Variants in GRXCR1 observed in about 807,000 individuals in gnomAD.
GRXCR1 encodes glutaredoxin and cysteine rich domain containing 1.
GRXCR1 carries 27 observed loss-of-function variants against 27.3 expected under a neutral mutation model. The observed-to-expected ratio is 0.99, with a 90% CI of 0.73 to 1.37. The LOEUF (loss-of-function observed/expected upper bound fraction) is 1.37. GRXCR1 is among the 40% of genes most tolerant of loss of function. The pLI, the probability that GRXCR1 is intolerant of heterozygous loss-of-function variation, is 0.00. For synonymous variants in GRXCR1, 122 were observed against 131.1 expected (o/e 0.93, Z 0.47); for missense variants, 379 against 354.4 (o/e 1.07, Z -0.56).
At chr4:42,958,648 T>C (rs959567277) in intron 1 of GRXCR1, among the ~76,000 whole-genome samples, 4 of 152,012 alleles carry the variant, frequency 2.6e-5, no homozygotes, top group Non-Finnish European at 1.5e-5. Context: ...GAGGAAAATA[T>C]TCGTGAGCCA....
intron 2 of GRXCR1, among the ~76,000 whole-genome samples, chr4:43,006,186 G>A (rs539992855): frequency 2.1e-4 from 32 of 152,054 alleles, no homozygotes; most frequent in African/African-American, 2.4e-4. Context: ...GATGTATATC[G>A]CCTCAGGACC....
intron 1 of GRXCR1, among the ~76,000 whole-genome samples, chr4:42,929,291 G>A (rs958253746): frequency 6.6e-6 from 1 of 151,998 alleles, no homozygotes; most frequent in African/African-American, 2.4e-5. Context: ...ACCCCAGCAG[G>A]CAAATGTCCC....
In GRXCR1 at chr4:42,926,631, GT is replaced by G. The variant is rs538805560; in HGVS notation, c.384+32991del. On this transcript the variant is annotated intron_variant, in intron 1 of 3. Coordinates refer to ENST00000399770, the MANE Select transcript of GRXCR1 (RefSeq NM_001080476.3). Reference sequence around the variant, plus strand: ...ACTAACGTTACACATATTTCACATTGTTTTTTTTTTGTGAAATTGTAAGTTT... The same window carrying G: ...ACTAACGTTACACATATTTCACATTGTTTTTTTTTGTGAAATTGTAAGTTT... Among the ~76,000 whole-genome samples the G allele has an allele frequency of 5.4e-4, 76 of 141,612 alleles. 1 individual carries two copies. Among genetic ancestry groups the G allele is most frequent in the African/African-American group, 1.0e-3 (40 of 39,522 alleles). 92.9% of individuals were successfully genotyped at this position (141,612 alleles called of 152,430 possible). A position where few individuals can be genotyped will look rare whatever the true frequency, so the allele number is the denominator to read the frequency against.
chr4:42,904,098 C>T (rs1395940910), intron 1 of GRXCR1, among the ~76,000 whole-genome samples: 1 of 152,214 alleles, frequency 6.6e-6, no homozygotes, highest in Non-Finnish European at 1.5e-5. Flanking sequence ...TCTTTCCCCA[C>T]ACATTGTGAT....
At chr4:43,004,731 G>A (rs1712500492) in intron 2 of GRXCR1, among the ~76,000 whole-genome samples, 5 of 152,154 alleles carry the variant, frequency 3.3e-5, no homozygotes, top group Admixed American at 2.6e-4. Context: ...TCTCCCATTT[G>A]GAAAGGGAGC....
intron 2 of GRXCR1, among the ~76,000 whole-genome samples, chr4:42,995,597 G>A (rs1712130000): frequency 6.6e-6 from 1 of 152,098 alleles, no homozygotes; most frequent in Non-Finnish European, 1.5e-5. Context: ...AAAGCTAATT[G>A]AGTGGCGTTG....
intron 1 of GRXCR1, among the ~76,000 whole-genome samples, chr4:42,914,430 T>C (rs1372676963): frequency 1.3e-5 from 2 of 152,236 alleles, no homozygotes; most frequent in Admixed American, 1.3e-4. Context: ...TGAACTTGCA[T>C]GGGGGCTGTA....
At chr4:42,990,559 C>T (rs771889848) in intron 2 of GRXCR1, among the ~76,000 whole-genome samples, 58 of 151,882 alleles carry the variant, frequency 3.8e-4, no homozygotes, top group South Asian at 1.5e-3. Context: ...TTGTAACATC[C>T]TAATTTTTAT....
At chr4:42,984,008 G>T (rs1436543361) in intron 2 of GRXCR1, among the ~76,000 whole-genome samples, 1 of 151,602 alleles carries the variant, frequency 6.6e-6, no homozygotes, top group African/African-American at 2.4e-5. Flanking sequence ...AATAATTTTT[G>T]TACCTTTAGT....
rs768918547 is a variant in GRXCR1 at position 43,030,411 on chromosome 4, T to C, written c.744T>C (p.Leu248=). The C allele has an allele frequency of 6.2e-7, 1 of 1,614,062 alleles. No individual in the cohort carries two copies. The highest frequency in any genetic ancestry group is 8.5e-7 in the Non-Finnish European group (1 of 1,179,980). The change falls in exon 4 of 4, where the codon CTT becomes CTC. Residue 248 remains leucine (L), a synonymous_variant. Transcript: ENST00000399770. The stretch of plus-strand genomic sequence containing the variant: ...CCTCTTGTGGAGGCTTTGGCTTTCT[T>C]CCATGCTCCGTGTGCCATGGGAGCA... The part of the protein sequence containing the change: ...ECPSCGGFGF[L]PCSVCHGSKM...
intron 1 of GRXCR1, among the ~76,000 whole-genome samples, chr4:42,936,915 C>T (rs901237374): frequency 1.3e-5 from 2 of 151,744 alleles, no homozygotes; most frequent in Admixed American, 6.6e-5. Flanking sequence ...AAACTTGATC[C>T]CTGGATGAGG....
chr4:43,003,811 T>C (rs541561218), intron 2 of GRXCR1, among the ~76,000 whole-genome samples: 1 of 152,308 alleles, frequency 6.6e-6, no homozygotes, highest in African/African-American at 2.4e-5. Context: ...TTGGACCTTA[T>C]GTTTAAAGGG....
intron 1 of GRXCR1, among the ~76,000 whole-genome samples, chr4:42,930,596 TAG>T (rs1747283401): frequency 1.3e-5 from 2 of 151,962 alleles, no homozygotes; most frequent in African/African-American, 4.8e-5. Flanking sequence ...ATGGCTAAAA[TAG>T]AGACTCTTTT....
intron 2 of GRXCR1, among the ~76,000 whole-genome samples, chr4:43,018,149 T>C (rs1196645166): frequency 2.0e-5 from 3 of 152,104 alleles, no homozygotes; most frequent in Non-Finnish European, 4.4e-5. Context: ...GGCAGAGACA[T>C]GGGACCCAGT....
chr4:43,000,990 T>C (rs894247937), intron 2 of GRXCR1, among the ~76,000 whole-genome samples: 1 of 152,008 alleles, frequency 6.6e-6, no homozygotes, highest in Admixed American at 6.6e-5. Context: ...ACAGTGGTGC[T>C]ATCTCGGCTC....
At position 43,030,623 on chromosome 4, in the gene GRXCR1, GT is replaced by G; in HGVS notation, c.*86del. ...TATATATATATTTTTAAATGGTTAT[GT>G]TTATGGATTAATCAATAAACTTTGT... On this transcript the variant is annotated 3_prime_UTR_variant, in exon 4 of 4. Coordinates refer to ENST00000399770, the MANE Select transcript of GRXCR1 (RefSeq NM_001080476.3). The G allele has an allele frequency of 9.2e-7, 1 of 1,084,740 alleles. No homozygotes were observed. The highest frequency in any genetic ancestry group is 1.4e-5 in the South Asian group (1 of 73,834). 67.2% of individuals were successfully genotyped at this position (1,084,740 alleles called of 1,614,324 possible).
chr4:42,972,245 A>T (rs957008862), intron 2 of GRXCR1, among the ~76,000 whole-genome samples: 1 of 152,048 alleles, frequency 6.6e-6, no homozygotes, highest in African/African-American at 2.4e-5. Flanking sequence ...TTTATTTGTT[A>T]TCTTCATTTC....
intron 2 of GRXCR1, among the ~76,000 whole-genome samples, chr4:42,999,034 T>A (rs1448252533): frequency 6.6e-6 from 1 of 152,170 alleles, no homozygotes; most frequent in African/African-American, 2.4e-5. Flanking sequence ...ACAATCCAGA[T>A]AACAACCGAG....
At chr4:42,927,123 G>T (rs1017165699) in intron 1 of GRXCR1, among the ~76,000 whole-genome samples, 12 of 152,050 alleles carry the variant, frequency 7.9e-5, no homozygotes, top group African/African-American at 2.4e-4. Context: ...AGCATTTGTT[G>T]GTTCTCAACC....
Sources: gnomAD v4.1 joint callset for allele counts (sites outside exome capture counted in the v4.1 genomes callset) on GRCh38, gnomAD v4.1.1 for gene constraint, MANE v1.5 for transcripts, NCBI Gene and HGNC (gene_info 2026-07-23, HGNC 2026-07-21) for gene names.